LUZP2: variants seen among roughly 807,000 people sequenced by gnomAD.
LUZP2 encodes leucine zipper protein 2.
Under a neutral mutation model 51.6 loss-of-function variants are expected in LUZP2, and 52 were observed. The observed-to-expected ratio is 1.01, with a 90% CI of 0.81 to 1.27. The LOEUF (loss-of-function observed/expected upper bound fraction) is 1.27. Ranked by LOEUF, LUZP2 falls within the 50% of genes most tolerant of loss-of-function variation. The pLI, the probability that LUZP2 is intolerant of heterozygous loss-of-function variation, is 0.00. For synonymous variants in LUZP2, 154 were observed against 137.3 expected (o/e 1.12, Z -0.85); for missense variants, 436 against 395.4 (o/e 1.10, Z -0.87).
rs115344043 is a variant in LUZP2, at chr11:24,661,267, T to G, written c.63-67902T>G. Among the ~76,000 whole-genome samples, 1,478 of 152,248 alleles carry G rather than the reference T, an allele frequency of 9.7e-3. 23 individuals are homozygous for G. The highest frequency in any genetic ancestry group is 0.034 in the African/African-American group (1,422 of 41,542). On this transcript the variant is annotated intron_variant, in intron 1 of 11. Coordinates refer to ENST00000336930, the MANE Select transcript of LUZP2 (RefSeq NM_001009909.4). ...TATTAATACATTCAATAATAAAATG[T>G]TAAATACCAGGAGAAATGCATCTTG...
At chr11:24,713,460 G>C (rs904706375) in intron 1 of LUZP2, among the ~76,000 whole-genome samples, 5 of 151,978 alleles carry the variant, frequency 3.3e-5, no homozygotes, top group African/African-American at 1.2e-4. Flanking sequence ...TGTTTATTTG[G>C]ATTGAAAATG....
intron 1 of LUZP2, among the ~76,000 whole-genome samples, chr11:24,621,978 G>A (rs1020125725): frequency 6.6e-6 from 1 of 151,050 alleles, no homozygotes; most frequent in African/African-American, 2.4e-5. Context: ...AAAAATACAC[G>A]GTATCACTCT....
intron 10 of LUZP2, among the ~76,000 whole-genome samples, chr11:25,051,613 C>A (rs1236123767): frequency 1.3e-5 from 2 of 152,096 alleles, no homozygotes; most frequent in Non-Finnish European, 2.9e-5. Flanking sequence ...GGGATATGTG[C>A]TTACAGCAAT....
At chr11:24,879,997 G>A (rs11028248) in intron 5 of LUZP2, among the ~76,000 whole-genome samples, 73,942 of 151,956 alleles carry the variant, frequency 0.49, 18,459 homozygotes, top group East Asian at 0.69. Context: ...CATGTCCACC[G>A]TCTCTGAGCC....
rs561458827 is a variant in LUZP2, at chr11:24,867,820, G to A, written c.397-38171G>A. Among the ~76,000 whole-genome samples the A allele has an allele frequency of 2.6e-5, 4 of 152,242 alleles. No homozygotes were observed. In the East Asian group the frequency reaches 7.7e-4, roughly 29 times the overall value. On this transcript the variant is annotated intron_variant, in intron 5 of 11. Coordinates refer to ENST00000336930, the MANE Select transcript of LUZP2 (RefSeq NM_001009909.4). Reference sequence around the variant, plus strand: ...ATATCAGTAGTTGTCAAACTATGGTGCCAATGAATCAACTTAAGAGTTCTT... The same window carrying A: ...ATATCAGTAGTTGTCAAACTATGGTACCAATGAATCAACTTAAGAGTTCTT...
At chr11:24,801,167 C>A (rs1023458004) in intron 5 of LUZP2, among the ~76,000 whole-genome samples, 2 of 152,084 alleles carry the variant, frequency 1.3e-5, no homozygotes, top group Non-Finnish European at 2.9e-5. Flanking sequence ...TATAACCCAT[C>A]ACTTTAAAGA....
At chr11:24,729,039 CAACAA>C (rs1858604680) in intron 1 of LUZP2, 125 bp from the exon 2 acceptor site, 3 of 485,040 alleles carry the variant, frequency 6.2e-6, no homozygotes, top group Non-Finnish European at 7.4e-6. Context: ...GAAATCATGA[CAACAA>C]AACCATCTTA....
rs780177718 is a variant in LUZP2, at chr11:24,497,194, A to G, written c.-50A>G. 1.3e-5 allele frequency: 17 copies of G among 1,314,648 alleles called. No homozygotes were observed. The South Asian group carries it at 2.2e-4, about 17-fold the overall frequency. The allele number at this position is 1,314,648 out of a possible 1,614,324, so 81.4% of individuals were successfully genotyped here. ...GCACCAAGGAGCGACAGGATCCCGA[A>G]GAGAGAGAGAGAAGGCAGCGAGGGA... On this transcript the variant is annotated 5_prime_UTR_variant, in exon 1 of 12. Transcript: ENST00000336930.
In LUZP2 at chr11:24,715,504, G is replaced by C. The variant is rs1858008769; in HGVS notation, c.63-13665G>C. ...ATATGCAACTTAGATTATATTGCTT[G>C]CTGATTTATAATTTGCATGAACACA... On this transcript the variant is annotated intron_variant, in intron 1 of 11. Transcript: ENST00000336930. Among the ~76,000 whole-genome samples the C allele has an allele frequency of 2.0e-5, 3 of 152,038 alleles. 1 individual carries two copies. The South Asian group carries it at 6.2e-4, about 32-fold the overall frequency.
intron 1 of LUZP2, among the ~76,000 whole-genome samples, chr11:24,699,296 A>G (rs569407517): frequency 1.3e-3 from 197 of 152,214 alleles, no homozygotes; most frequent in African/African-American, 4.5e-3. Context: ...TGTTGCTTTG[A>G]TAGGGGACCT....
At chr11:24,698,077 A>G (rs1186127776) in intron 1 of LUZP2, among the ~76,000 whole-genome samples, 1 of 152,120 alleles carries the variant, frequency 6.6e-6, no homozygotes, top group Non-Finnish European at 1.5e-5. Context: ...AAGGCTAGGG[A>G]TGGAGGTGGA....
chr11:24,643,487 T>G (rs73434975), intron 1 of LUZP2, among the ~76,000 whole-genome samples: 1 of 152,270 alleles, frequency 6.6e-6, no homozygotes, highest in African/African-American at 2.4e-5. Flanking sequence ...ACTTACCCCA[T>G]GTAACTATTG....
chr11:24,617,900 G>A (rs1292458765), intron 1 of LUZP2, among the ~76,000 whole-genome samples: 1 of 151,964 alleles, frequency 6.6e-6, no homozygotes, highest in Non-Finnish European at 1.5e-5. Context: ...TGGATATTTG[G>A]GGTATTATGT....
At chr11:24,758,896 A>G (rs1392144770) in intron 4 of LUZP2, among the ~76,000 whole-genome samples, 1 of 152,074 alleles carries the variant, frequency 6.6e-6, no homozygotes, top group Non-Finnish European at 1.5e-5. Flanking sequence ...AAAAAAGATG[A>G]TCTTCCTCAT....
intron 7 of LUZP2, among the ~76,000 whole-genome samples, chr11:24,951,491 A>G (rs537666986): frequency 2.0e-5 from 3 of 151,714 alleles, no homozygotes; most frequent in East Asian, 1.9e-4. Flanking sequence ...CCTAATTATA[A>G]GAATTTAATT....
intron 4 of LUZP2, among the ~76,000 whole-genome samples, chr11:24,755,428 G>C (rs1399830186): frequency 6.6e-6 from 1 of 152,122 alleles, no homozygotes; most frequent in Non-Finnish European, 1.5e-5. Flanking sequence ...AGCTCAGACA[G>C]ACTCACATCT....
intron 1 of LUZP2, among the ~76,000 whole-genome samples, chr11:24,506,762 T>A (rs74664305): frequency 0.046 from 6,976 of 152,104 alleles, 189 homozygotes; most frequent in Middle Eastern, 0.099. Flanking sequence ...TAGGGACCCC[T>A]AAGTTTTGCA....
At chr11:24,585,923 T>G (rs1359879359) in intron 1 of LUZP2, among the ~76,000 whole-genome samples, 1 of 152,190 alleles carries the variant, frequency 6.6e-6, no homozygotes, top group East Asian at 1.9e-4. Flanking sequence ...TTAGTCTTGT[T>G]CAGGGGCAGA....
chr11:24,740,957 T>A (rs1313441503), intron 4 of LUZP2, among the ~76,000 whole-genome samples: 1 of 152,100 alleles, frequency 6.6e-6, no homozygotes, highest in Non-Finnish European at 1.5e-5. Flanking sequence ...ATAATCATCA[T>A]CATTATTAGT....
Sources: gnomAD v4.1 joint callset for allele counts (sites outside exome capture counted in the v4.1 genomes callset) on GRCh38, gnomAD v4.1.1 for gene constraint, MANE v1.5 for transcripts, NCBI Gene and HGNC (gene_info 2026-07-23, HGNC 2026-07-21) for gene names.